AP3S2: variants seen among roughly 807,000 people sequenced by gnomAD.
AP3S2 encodes the protein adaptor related protein complex 3 subunit sigma 2, also known as AP-3 complex subunit sigma-2.
A neutral mutation model predicts 23.4 loss-of-function variants in AP3S2; 22 were observed. The observed-to-expected ratio is 0.94, with a 90% CI of 0.67 to 1.34. AP3S2 has a LOEUF of 1.34. AP3S2 is among the 40% of genes most tolerant of loss of function. The pLI is 0.00. For synonymous variants in AP3S2, 86 were observed against 87.1 expected, an observed-to-expected ratio of 0.99 and a Z score of 0.07; for missense variants, 241 against 236.9, an observed-to-expected ratio of 1.02 and a Z score of -0.11.
intron 4 of AP3S2, among the ~76,000 whole-genome samples, chr15:89,861,289 C>G (rs1896004690): frequency 6.6e-6 from 1 of 152,072 alleles, no homozygotes; most frequent in Non-Finnish European, 1.5e-5. Flanking sequence ...AGAGGGCCCA[C>G]TGCAAATTGA....
intron 4 of AP3S2, among the ~76,000 whole-genome samples, chr15:89,839,802 T>A (rs779987980): frequency 6.6e-6 from 1 of 151,450 alleles, no homozygotes; most frequent in Non-Finnish European, 1.5e-5. Context: ...AAATGTGCCA[T>A]AGAAATACAA....
intron 3 of AP3S2, among the ~76,000 whole-genome samples, chr15:89,880,691 CAATA>C (rs1896551558): frequency 6.9e-6 from 1 of 145,884 alleles, no homozygotes; most frequent in Non-Finnish European, 1.5e-5. Flanking sequence ...AAAAAAGAAA[CAATA>C]AATAAAACAA....
chr15:89,889,113 G>C lies in AP3S2; in HGVS notation c.97C>G (p.Arg33Gly), dbSNP rs902249904. 3.1e-6 allele frequency: 5 copies of C among 1,614,004 alleles called. No individual in the cohort carries two copies. Among genetic ancestry groups the C allele is most frequent in the Non-Finnish European group, 4.2e-6 (5 of 1,180,024 alleles). Reference sequence around the variant, plus strand: ...TTGAGGACTAGATGGAAAGTCTCTCGAACAATCTGCTGTTGAATTTCTTCT... The same window carrying C: ...TTGAGGACTAGATGGAAAGTCTCTCCAACAATCTGCTGTTGAATTTCTTCT... ...FPEEIQQQIV[R>G]ETFHLVLKRD... Residue 33 changes from arginine to glycine, a missense_variant, in exon 2 of 6, where the codon CGA becomes GGA. By Grantham distance (125) the Arg-to-Gly change is moderately radical. Coordinates refer to ENST00000336418, the MANE Select transcript of AP3S2 (RefSeq NM_005829.5).
At position 89,868,242 on chromosome 15, in the gene AP3S2, C is replaced by T. The variant is rs1410526038; in HGVS notation, c.345+3233G>A. ...GGGGTCAGCCCTCCGCCCGGCCAGC[C>T]GCCCCGTCTGGGAGGTGAGGGGCGC... On this transcript the variant is annotated intron_variant, in intron 4 of 5. Coordinates refer to ENST00000336418, the MANE Select transcript of AP3S2 (RefSeq NM_005829.5). 2.1e-3 allele frequency among the ~76,000 whole-genome samples: 103 copies of T among 48,450 alleles called. 3 individuals are homozygous for T. The highest frequency in any genetic ancestry group is 3.6e-3 in the Non-Finnish European group (74 of 20,756). The allele number at this position is 48,450 out of a possible 152,430, so 31.8% of individuals were successfully genotyped here. A position where few individuals can be genotyped will look rare whatever the true frequency, so the allele number is the denominator to read the frequency against.
At chr15:89,862,627 C>T (rs932403715) in intron 4 of AP3S2, among the ~76,000 whole-genome samples, 3 of 151,860 alleles carry the variant, frequency 2.0e-5, no homozygotes, top group African/African-American at 4.8e-5. Flanking sequence ...ACCTTGGGAG[C>T]GAGGAAGAGG....
intron 4 of AP3S2, among the ~76,000 whole-genome samples, chr15:89,868,153 C>T (rs1457478154): frequency 4.0e-5 from 3 of 75,334 alleles, no homozygotes; most frequent in Admixed American, 1.2e-4. Context: ...CCGCCCCGTC[C>T]GGGAGGGAGG....
rs780287471 is a variant in AP3S2 at position 89,871,575 on chromosome 15, A to C, written c.274-29T>G. ...GAAAACAAGGAGAAATAGATAAAGAAGAGAAATAGGAACACATTCACAGCT... is the reference window on the plus strand; with the variant it reads ...GAAAACAAGGAGAAATAGATAAAGACGAGAAATAGGAACACATTCACAGCT... On this transcript the variant is annotated intron_variant, in intron 3 of 5. Coordinates refer to ENST00000336418, the MANE Select transcript of AP3S2 (RefSeq NM_005829.5). 2.1e-5 allele frequency: 34 copies of C among 1,608,796 alleles called. No individual in the cohort carries two copies. In the African/African-American group the frequency reaches 2.9e-4, roughly 14 times the overall value.
chr15:89,846,209 T>C (rs1227880023), intron 4 of AP3S2, among the ~76,000 whole-genome samples: 1 of 152,228 alleles, frequency 6.6e-6, no homozygotes, highest in African/African-American at 2.4e-5. Flanking sequence ...TTTAGCTCTG[T>C]CCTATTTAAA....
rs1252459189 is a variant in AP3S2, at chr15:89,832,475, A to G, written c.*3040T>C. Reference sequence around the variant, plus strand: ...AAAAGGAAAGCCTAGTATTCTATACAACCTTAACCTATTTTTTTTTTTTTT... The same window carrying G: ...AAAAGGAAAGCCTAGTATTCTATACGACCTTAACCTATTTTTTTTTTTTTT... On this transcript the variant is annotated 3_prime_UTR_variant, in exon 6 of 6. Transcript: ENST00000336418. 1 of 144,434 alleles carries G rather than the reference A, an allele frequency of 6.9e-6. No homozygotes were observed. Among genetic ancestry groups the G allele is most frequent in the Non-Finnish European group, 1.5e-5 (1 of 67,208 alleles). The allele number at this position is 144,434 out of a possible 1,614,324, so 8.9% of individuals were successfully genotyped here. A position where few individuals can be genotyped will look rare whatever the true frequency, so the allele number is the denominator to read the frequency against.
At chr15:89,868,145 G>A (rs1478689093) in intron 4 of AP3S2, among the ~76,000 whole-genome samples, 65 of 75,168 alleles carry the variant, frequency 8.6e-4, no homozygotes, top group African/African-American at 2.7e-3. Flanking sequence ...CCGGCCAGCC[G>A]CCCCGTCCGG....
At chr15:89,844,092 G>C (rs1160529537) in intron 4 of AP3S2, among the ~76,000 whole-genome samples, 1 of 152,160 alleles carries the variant, frequency 6.6e-6, no homozygotes, top group Non-Finnish European at 1.5e-5. Flanking sequence ...TGGTTAATCT[G>C]ACTTTTACTG....
chr15:89,893,780 A>T lies in AP3S2; in HGVS notation c.69+101T>A, dbSNP rs1010529659. 5.1e-6 allele frequency: 6 copies of T among 1,166,802 alleles called. No individual in the cohort carries two copies. In the East Asian group the frequency reaches 7.7e-5, roughly 15 times the overall value. 72.3% of individuals were successfully genotyped at this position (1,166,802 alleles called of 1,614,324 possible). A position where few individuals can be genotyped will look rare whatever the true frequency, so the allele number is the denominator to read the frequency against. On this transcript the variant is annotated intron_variant, in intron 1 of 5. Coordinates refer to ENST00000336418, the MANE Select transcript of AP3S2 (RefSeq NM_005829.5). The stretch of plus-strand genomic sequence containing the variant: ...GGGTCATGCTCGGTGCAGGAGCCCC[A>T]GGTGACCAAAGAGCGGTGCCCCCGG...
At chr15:89,886,234 G>A (rs1384401735) in intron 3 of AP3S2, among the ~76,000 whole-genome samples, 3 of 152,028 alleles carry the variant, frequency 2.0e-5, no homozygotes, top group Non-Finnish European at 2.9e-5. Flanking sequence ...CCAGCTACTC[G>A]AGAGGCTGAG....
chr15:89,840,280 G>A (rs771368659), intron 4 of AP3S2, among the ~76,000 whole-genome samples: 3 of 152,140 alleles, frequency 2.0e-5, no homozygotes, highest in Non-Finnish European at 4.4e-5. Context: ...TGCACTTTCA[G>A]TATTTATTCC....
At chr15:89,873,727 C>A (rs1242081160) in intron 3 of AP3S2, among the ~76,000 whole-genome samples, 1 of 151,954 alleles carries the variant, frequency 6.6e-6, no homozygotes, top group East Asian at 1.9e-4. Context: ...TTCTAAGAGA[C>A]CATTTTGTTC....
chr15:89,877,229 C>T (rs1896463092), intron 3 of AP3S2: 1 of 910,948 alleles, frequency 1.1e-6, no homozygotes, highest in Non-Finnish European at 1.6e-6. Flanking sequence ...AGATCACAGA[C>T]CCACACATAA....
At chr15:89,889,867 A>C (rs1896780635) in intron 1 of AP3S2, among the ~76,000 whole-genome samples, 1 of 149,784 alleles carries the variant, frequency 6.7e-6, no homozygotes. Context: ...CCATCTCAAA[A>C]AAAAAAAAAA....
intron 4 of AP3S2, among the ~76,000 whole-genome samples, chr15:89,864,555 T>A (rs1896074205): frequency 6.6e-6 from 1 of 151,832 alleles, no homozygotes; most frequent in African/African-American, 2.4e-5. Context: ...CAATACAACT[T>A]CTACCAACAC....
chr15:89,867,149 A>C (rs1054053592), intron 4 of AP3S2, among the ~76,000 whole-genome samples: 7 of 144,778 alleles, frequency 4.8e-5, no homozygotes, highest in African/African-American at 1.8e-4. Context: ...CAGCCTGCCG[A>C]GTGCCTGCGA....
Sources: gnomAD v4.1 joint callset for allele counts (sites outside exome capture counted in the v4.1 genomes callset) on GRCh38, gnomAD v4.1.1 for gene constraint, MANE v1.5 for transcripts, NCBI Gene and HGNC (gene_info 2026-07-23, HGNC 2026-07-21) for gene names.